The following UNC13C variants were observed in gnomAD, a reference collection of about 807,000 sequenced individuals.
The protein encoded by UNC13C is unc-13 homolog C.
UNC13C carries 174 observed loss-of-function variants against 245.4 expected under a neutral mutation model. The observed-to-expected ratio is 0.71, with a 90% CI of 0.63 to 0.80. The LOEUF (loss-of-function observed/expected upper bound fraction) is 0.80, where lower values mean the gene tolerates loss of function less well. UNC13C is among the 30% of genes least tolerant of loss of function. UNC13C has a pLI of 0.00. For synonymous variants in UNC13C, 992 were observed against 895.1 expected (o/e 1.11, Z -1.93); for missense variants, 2,829 against 2,602.9 (o/e 1.09, Z -1.89).
chr15:54,530,655 G>C (rs894032985), intron 25 of UNC13C, among the ~76,000 whole-genome samples: 1 of 152,124 alleles, frequency 6.6e-6, no homozygotes, highest in Non-Finnish European at 1.5e-5. Flanking sequence ...AGTGATATTT[G>C]ATATATGCCT....
At chr15:54,251,046 C>T (rs910353105) in intron 8 of UNC13C, among the ~76,000 whole-genome samples, 1 of 152,108 alleles carries the variant, frequency 6.6e-6, no homozygotes, top group African/African-American at 2.4e-5. Flanking sequence ...GCGTGAGCCA[C>T]CGCGCCCGGC....
chr15:54,433,094 A>G (rs907709141), intron 19 of UNC13C, among the ~76,000 whole-genome samples: 2 of 152,018 alleles, frequency 1.3e-5, no homozygotes. Context: ...AAATTGAGGC[A>G]TATCCTACCA....
chr15:54,252,754 A>C (rs1286769225), intron 8 of UNC13C, among the ~76,000 whole-genome samples: 1 of 152,212 alleles, frequency 6.6e-6, no homozygotes, highest in Non-Finnish European at 1.5e-5. Context: ...CAGAGTTAGA[A>C]GGTATAGCTA....
At chr15:54,057,851 C>T (rs1175457018) in intron 2 of UNC13C, among the ~76,000 whole-genome samples, 2 of 152,168 alleles carry the variant, frequency 1.3e-5, no homozygotes, top group South Asian at 2.1e-4. Flanking sequence ...CAACCTGCTC[C>T]TGAATGACTA....
chr15:54,486,928 G>A (rs1217793511), intron 19 of UNC13C, among the ~76,000 whole-genome samples: 2 of 152,122 alleles, frequency 1.3e-5, no homozygotes, highest in Non-Finnish European at 1.5e-5. Context: ...ATGCCAGTAT[G>A]GCTTTAGATC....
At chr15:54,071,591 G>A (rs1898330162) in intron 2 of UNC13C, among the ~76,000 whole-genome samples, 1 of 152,012 alleles carries the variant, frequency 6.6e-6, no homozygotes, top group Non-Finnish European at 1.5e-5. Flanking sequence ...GGTCTATGGG[G>A]CACATGTGGC....
intron 16 of UNC13C, among the ~76,000 whole-genome samples, chr15:54,337,350 C>T (rs2038610442): frequency 6.6e-6 from 1 of 152,184 alleles, no homozygotes; most frequent in Admixed American, 6.5e-5. Context: ...AACTTTTCCA[C>T]AACTGTAGAT....
chr15:54,284,916 G>T (rs74618582), intron 10 of UNC13C, among the ~76,000 whole-genome samples: 8,256 of 151,874 alleles, frequency 0.054, 499 homozygotes, highest in East Asian at 0.21. Context: ...CTTTATCTGC[G>T]GAGAAATTAT....
intron 8 of UNC13C, among the ~76,000 whole-genome samples, chr15:54,256,993 T>G (rs1267675831): frequency 6.6e-6 from 1 of 152,222 alleles, no homozygotes; most frequent in African/African-American, 2.4e-5. Context: ...AAGAACAATG[T>G]AGCCTAGCTA....
intron 4 of UNC13C, among the ~76,000 whole-genome samples, chr15:54,205,658 C>A (rs72748242): frequency 3.9e-5 from 6 of 152,094 alleles, no homozygotes; most frequent in Non-Finnish European, 7.4e-5. Flanking sequence ...AAACAGGCCC[C>A]TTTTTTCTAC....
intron 2 of UNC13C, among the ~76,000 whole-genome samples, chr15:54,080,667 C>T (rs1301984613): frequency 3.3e-5 from 5 of 152,036 alleles, no homozygotes; most frequent in Admixed American, 6.5e-5. Context: ...GGTGTGATGA[C>T]ACCTTTATCA....
intron 29 of UNC13C, among the ~76,000 whole-genome samples, chr15:54,557,926 A>C (rs553559180): frequency 3.9e-5 from 6 of 152,220 alleles, no homozygotes; most frequent in African/African-American, 1.2e-4. Context: ...GCAGCCATAA[A>C]AAATGATGAG....
chr15:53,995,360 C>T (rs948654094), intron 1 of UNC13C, among the ~76,000 whole-genome samples: 3 of 152,020 alleles, frequency 2.0e-5, no homozygotes, highest in Admixed American at 2.0e-4. Context: ...TCATTAGCCC[C>T]AGTCTTCAAC....
chr15:54,392,397 A>G (rs997366205), intron 17 of UNC13C, among the ~76,000 whole-genome samples: 33 of 152,086 alleles, frequency 2.2e-4, no homozygotes, highest in Admixed American at 5.9e-4. Context: ...AGAAAGTTTC[A>G]AAGACATTTT....
At chr15:54,595,384 T>C (rs1305960161) in intron 30 of UNC13C, among the ~76,000 whole-genome samples, 2 of 152,124 alleles carry the variant, frequency 1.3e-5, no homozygotes, top group African/African-American at 4.8e-5. Context: ...AAGGAGGGTC[T>C]CCTTTTTCTA....
chr15:54,290,982 T>C (rs141119307), intron 10 of UNC13C, among the ~76,000 whole-genome samples: 5 of 152,208 alleles, frequency 3.3e-5, no homozygotes, highest in East Asian at 1.9e-4. Flanking sequence ...AAGTTTAAGA[T>C]GATAACTGTA....
intron 30 of UNC13C, chr15:54,609,424 T>A (rs1214647824): frequency 1.3e-5 from 2 of 152,192 alleles, no homozygotes; most frequent in African/African-American, 4.8e-5. Context: ...CTGGTCAAAA[T>A]GACTGAGCCA....
intron 24 of UNC13C, among the ~76,000 whole-genome samples, chr15:54,517,846 G>A (rs1327094434): frequency 1.3e-5 from 2 of 152,130 alleles, no homozygotes; most frequent in African/African-American, 4.8e-5. Flanking sequence ...TCCTAAATGT[G>A]AAGATATCCT....
intron 2 of UNC13C, chr15:54,044,511 C>T (rs987295309): frequency 4.2e-5 from 10 of 237,104 alleles, no homozygotes; most frequent in Non-Finnish European, 7.3e-5. Flanking sequence ...CAACTGTTTT[C>T]CAAAGTGGCT....
Sources: allele counts gnomAD v4.1 joint callset (sites outside exome capture counted in the v4.1 genomes callset), GRCh38; gene constraint gnomAD v4.1.1; transcripts MANE v1.5; gene names NCBI Gene and HGNC (gene_info 2026-07-23, HGNC 2026-07-21).